PRDM16: variants seen among roughly 807,000 people sequenced by gnomAD.
The protein encoded by PRDM16 is histone-lysine N-methyltransferase PRDM16.
A neutral mutation model predicts 110.6 loss-of-function variants in PRDM16; 23 were observed. The ratio of observed to expected loss-of-function variants is 0.21; its 90% CI spans 0.15 to 0.29. The LOEUF (loss-of-function observed/expected upper bound fraction) is 0.29, where lower values mean the gene tolerates loss of function less well. Among genes scored for constraint, PRDM16 ranks in the 10% least tolerant of loss-of-function variants. The pLI, the probability that PRDM16 is intolerant of heterozygous loss-of-function variation, is 1.00. For synonymous variants in PRDM16, 799 were observed against 781.8 expected, an observed-to-expected ratio of 1.02 and a Z score of -0.37; for missense variants, 1,615 against 1,794.3, an observed-to-expected ratio of 0.90 and a Z score of 1.81.
In PRDM16 at chr1:3,435,572, G is replaced by GA. The variant is rs910921052; in HGVS notation, c.*1769dup. The GA allele has an allele frequency of 3.0e-5, 7 of 231,420 alleles. No individual in the cohort carries two copies. The highest frequency in any genetic ancestry group is 6.7e-5 in the African/African-American group (3 of 45,018). 14.3% of individuals were successfully genotyped at this position (231,420 alleles called of 1,614,324 possible). A position where few individuals can be genotyped will look rare whatever the true frequency, so the allele number is the denominator to read the frequency against. On this transcript the variant is annotated 3_prime_UTR_variant, in exon 17 of 17. Coordinates refer to ENST00000270722, the MANE Select transcript of PRDM16 (RefSeq NM_022114.4). ...TGATGATAGAGTCCCAAAAAGAAGA[G>GA]AAAAAAAATGCCCAAGTTGCCCTTT... is the stretch of plus-strand genomic sequence containing the variant.
At chr1:3,357,354 A>AC (rs1342033909) in intron 3 of PRDM16, among the ~76,000 whole-genome samples, 4 of 122,504 alleles carry the variant, frequency 3.3e-5, no homozygotes. Flanking sequence ...TGCCAGCCCC[A>AC]CCCCCCGCCC....
intron 1 of PRDM16, among the ~76,000 whole-genome samples, chr1:3,150,489 C>A (rs577004077): frequency 1.3e-5 from 2 of 151,976 alleles, no homozygotes; most frequent in Non-Finnish European, 2.9e-5. Context: ...ACCCAGGAGG[C>A]GGAGATTGCA....
intron 3 of PRDM16, among the ~76,000 whole-genome samples, chr1:3,376,622 T>C (rs1642994211): frequency 6.6e-6 from 1 of 152,188 alleles, no homozygotes; most frequent in South Asian, 2.1e-4. Flanking sequence ...TCTCTGTCTC[T>C]CTCTGCGAGT....
intron 1 of PRDM16, among the ~76,000 whole-genome samples, chr1:3,111,774 C>T (rs1346314691): frequency 6.6e-6 from 1 of 152,172 alleles, no homozygotes; most frequent in East Asian, 1.9e-4. Flanking sequence ...AAAGGCCCAG[C>T]GCCACATCAG....
intron 1 of PRDM16, among the ~76,000 whole-genome samples, chr1:3,139,337 G>T (rs1643501257): frequency 6.6e-6 from 1 of 152,244 alleles, no homozygotes; most frequent in Non-Finnish European, 1.5e-5. Flanking sequence ...AAAGAGCAGG[G>T]CTGGGGCTGC....
intron 2 of PRDM16, among the ~76,000 whole-genome samples, chr1:3,240,069 AGG>A (rs201064251): frequency 1.7e-5 from 2 of 120,066 alleles, no homozygotes; most frequent in African/African-American, 7.1e-5. Context: ...AGGAGAGGAG[AGG>A]AGAGGAGAGG....
chr1:3,369,724 G>T (rs1384339999), intron 3 of PRDM16, among the ~76,000 whole-genome samples: 1 of 152,270 alleles, frequency 6.6e-6, no homozygotes, highest in Non-Finnish European at 1.5e-5. Context: ...GCCCAGGCCA[G>T]CATCTTTTTA....
chr1:3,244,054 AAACT>A lies in PRDM16; in HGVS notation c.388-29_388-26del. 1 of 1,610,914 alleles carries A rather than the reference AAACT, an allele frequency of 6.2e-7. No homozygotes were observed. The highest frequency in any genetic ancestry group is 8.5e-7 in the Non-Finnish European group (1 of 1,177,122). On this transcript the variant is annotated intron_variant, in intron 2 of 16. Transcript: ENST00000270722. The surrounding 1 kb of genome is among the most constrained non-coding windows in gnomAD (Gnocchi z 4.1). ...GTGTAGCTTGAGAATGTTTTATCAG[AAACT>A]AACAACCCCTCTCAAAATTGTTTTG...
At chr1:3,084,223 T>C (rs956825025) in intron 1 of PRDM16, among the ~76,000 whole-genome samples, 2 of 152,156 alleles carry the variant, frequency 1.3e-5, no homozygotes, top group African/African-American at 4.8e-5. Context: ...TCTGGGGGCC[T>C]GTACCCCTCG....
At chr1:3,186,088 C>A in intron 1 of PRDM16, 37 bp from the exon 2 acceptor site, 1 of 1,538,420 alleles carries the variant, frequency 6.5e-7, no homozygotes, top group Non-Finnish European at 9.0e-7. Context: ...GGGTGGGGCA[C>A]GTGCTGCAGA....
chr1:3,325,854 C>G (rs1641877803), intron 3 of PRDM16, among the ~76,000 whole-genome samples: 2 of 152,036 alleles, frequency 1.3e-5, no homozygotes, highest in Admixed American at 6.5e-5. Context: ...CTTGGCCTTC[C>G]TTAGCGGTTC....
intron 1 of PRDM16, among the ~76,000 whole-genome samples, chr1:3,123,637 C>T (rs900381918): frequency 6.6e-6 from 1 of 152,246 alleles, no homozygotes; most frequent in African/African-American, 2.4e-5. Context: ...CATCCCATGC[C>T]CCCTTCCTTG....
At chr1:3,347,458 C>T (rs1004410056) in intron 3 of PRDM16, among the ~76,000 whole-genome samples, 12 of 152,202 alleles carry the variant, frequency 7.9e-5, no homozygotes, top group Non-Finnish European at 1.8e-4. Flanking sequence ...TCCATCTGCT[C>T]CTGGAAGGCC....
intron 1 of PRDM16, among the ~76,000 whole-genome samples, chr1:3,117,125 C>T (rs939549552): frequency 8.5e-5 from 13 of 152,194 alleles, no homozygotes; most frequent in African/African-American, 3.1e-4. Flanking sequence ...GCCCCTCCTG[C>T]GTGCTCTTCT....
At chr1:3,083,189 C>T (rs1390753363) in intron 1 of PRDM16, among the ~76,000 whole-genome samples, 2 of 152,320 alleles carry the variant, frequency 1.3e-5, no homozygotes, top group East Asian at 1.9e-4. Flanking sequence ...ACGTCTCGTC[C>T]GAGACCACTG....
rs546493102 is a variant in PRDM16, at chr1:3,124,865, C to T, written c.37+55569C>T. On this transcript the variant is annotated intron_variant, in intron 1 of 16. Coordinates refer to ENST00000270722, the MANE Select transcript of PRDM16 (RefSeq NM_022114.4). ...CTCAATCCACAGCCCCCTCCCTGCT[C>T]CCATCCGGGCAGCCCTGTGGGAAGT... is the stretch of plus-strand genomic sequence containing the variant. 5.9e-5 allele frequency among the ~76,000 whole-genome samples: 9 copies of T among 152,180 alleles called. No homozygotes were observed. In the South Asian group the frequency reaches 1.0e-3, roughly 17 times the overall value.
chr1:3,104,129 A>T (rs992701322), intron 1 of PRDM16, among the ~76,000 whole-genome samples: 2 of 152,186 alleles, frequency 1.3e-5, no homozygotes, highest in Non-Finnish European at 2.9e-5. Flanking sequence ...TCCCATGGAG[A>T]CAGGGTCCCC....
At chr1:3,227,713 C>T (rs2100878533) in intron 2 of PRDM16, among the ~76,000 whole-genome samples, 1 of 152,372 alleles carries the variant, frequency 6.6e-6, no homozygotes, top group South Asian at 2.1e-4. Flanking sequence ...GGCTGCCCGT[C>T]TCCGCCAGCC....
intron 2 of PRDM16, among the ~76,000 whole-genome samples, chr1:3,240,055 G>T (rs1326636813): frequency 2.4e-5 from 2 of 83,648 alleles, no homozygotes; most frequent in Admixed American, 1.3e-4. Context: ...GAGGAGAGGA[G>T]AAGAGGAGAG....
Sources: allele counts gnomAD v4.1 joint callset (sites outside exome capture counted in the v4.1 genomes callset), GRCh38; gene constraint gnomAD v4.1.1; non-coding constraint Gnocchi (gnomAD v3.1); transcripts MANE v1.5; gene names NCBI Gene and HGNC (gene_info 2026-07-23, HGNC 2026-07-21).